Variants in THNSL1 observed in about 807,000 individuals in gnomAD.
THNSL1 encodes threonine synthase-like 1.
THNSL1 carries 48 observed loss-of-function variants against 50.4 expected under a neutral mutation model. The ratio of observed to expected loss-of-function variants is 0.95; its 90% CI spans 0.76 to 1.21. The LOEUF is 1.21. Among genes scored for constraint, THNSL1 ranks in the 50% most tolerant of loss-of-function variants. The pLI is 0.00. For missense variants in THNSL1, 896 were observed against 871.7 expected (o/e 1.03, Z -0.35); for synonymous variants, 309 against 306.1 (o/e 1.01, Z -0.10).
chr10:24,995,668 A>T, the THNSL1 span: 9 of 1,613,240 alleles, frequency 5.6e-6, no homozygotes, highest in Non-Finnish European at 7.6e-6. Context: ...GTACTTTGGA[A>T]CTAGTCCTGA....
chr10:24,959,208 A>G, the THNSL1 span, among the ~76,000 whole-genome samples: 2 of 152,226 alleles, frequency 1.3e-5, no homozygotes, highest in African/African-American at 4.8e-5. Flanking sequence ...GTCAGCAGCA[A>G]CTTTGCCTGG....
chr10:24,989,802 C>G, the THNSL1 span, among the ~76,000 whole-genome samples: 1 of 152,080 alleles, frequency 6.6e-6, no homozygotes, highest in Non-Finnish European at 1.5e-5. Flanking sequence ...ATTTCTGCCT[C>G]TATAAGAGAC....
At chr10:24,967,891 T>A in the THNSL1 span, among the ~76,000 whole-genome samples, 2 of 151,692 alleles carry the variant, frequency 1.3e-5, no homozygotes, top group African/African-American at 4.8e-5. Context: ...TTTGTGTGTG[T>A]ATGTGTGTAT....
rs1190736431 is a variant in THNSL1 at position 25,024,485 on chromosome 10, T to G, written c.1262T>G (p.Ile421Ser). 1 of 1,614,202 alleles carries G rather than the reference T, an allele frequency of 6.2e-7. No homozygotes were observed. The highest frequency in any genetic ancestry group is 8.5e-7 in the Non-Finnish European group (1 of 1,180,028). ...AGTGATTTTCAAAAAGCACAAATAA[T>G]TGGCAGTCAGAGAGAAAATGGATGG... ...GVSDFQKAQI[I>S]GSQRENGWAV... Residue 421 changes from isoleucine to serine, a missense_variant, in exon 3 of 3, where the codon ATT (isoleucine) becomes AGT (serine). Physicochemically the swap from Ile to Ser is moderately radical, Grantham distance 142. Transcript: ENST00000376356.
chr10:24,955,959 A>G, the THNSL1 span, among the ~76,000 whole-genome samples: 1 of 152,070 alleles, frequency 6.6e-6, no homozygotes, highest in Non-Finnish European at 1.5e-5. Context: ...CAAACAAATA[A>G]TAATAATAAT....
At chr10:24,988,680 A>G in the THNSL1 span, among the ~76,000 whole-genome samples, 13 of 3,464 alleles carry the variant, frequency 3.8e-3, no homozygotes, top group African/African-American at 0.012. Context: ...ATATATATAT[A>G]TATATATATA....
chr10:24,994,195 T>C, the THNSL1 span, among the ~76,000 whole-genome samples: 1 of 152,150 alleles, frequency 6.6e-6, no homozygotes, highest in Admixed American at 6.6e-5. Context: ...TACATCACTA[T>C]TGCAATTTCT....
At chr10:25,015,733 C>A, upstream of THNSL1, 1 of 848,894 alleles carries the variant, frequency 1.2e-6, no homozygotes, top group Non-Finnish European at 1.6e-6. Flanking sequence ...AGTTATCCTC[C>A]AAGGCTACTT....
the THNSL1 span, among the ~76,000 whole-genome samples, chr10:25,010,063 G>A: frequency 6.6e-6 from 1 of 152,176 alleles, no homozygotes; most frequent in Non-Finnish European, 1.5e-5. Flanking sequence ...GCAGAGGTTG[G>A]AACAGTTTGG....
the THNSL1 span, among the ~76,000 whole-genome samples, chr10:24,972,334 A>C: frequency 6.6e-6 from 1 of 151,392 alleles, no homozygotes; most frequent in South Asian, 2.1e-4. Flanking sequence ...ATGGTGAAAC[A>C]CCATCTCTAC....
the THNSL1 span, chr10:24,985,047 G>T: frequency 2.7e-6 from 2 of 730,818 alleles, no homozygotes; most frequent in Non-Finnish European, 4.5e-6. Context: ...TATTTATCAA[G>T]TACTTGGCCA....
the THNSL1 span, among the ~76,000 whole-genome samples, chr10:24,978,290 T>G: frequency 6.6e-6 from 1 of 152,172 alleles, no homozygotes; most frequent in African/African-American, 2.4e-5. Context: ...GTTTTTTTTT[T>G]GTTGGTGGCC....
the THNSL1 span, chr10:24,995,758 T>C: frequency 3.1e-6 from 5 of 1,614,058 alleles, no homozygotes; most frequent in Admixed American, 1.7e-5. Flanking sequence ...CATGATGATA[T>C]CAGCTGCATT....
At chr10:25,009,875 C>G in the THNSL1 span, among the ~76,000 whole-genome samples, 1 of 152,158 alleles carries the variant, frequency 6.6e-6, no homozygotes, top group East Asian at 1.9e-4. Context: ...ATTGTGAGGC[C>G]TCCCCAGCCA....
At chr10:24,977,735 A>G in the THNSL1 span, among the ~76,000 whole-genome samples, 1 of 152,212 alleles carries the variant, frequency 6.6e-6, no homozygotes, top group Non-Finnish European at 1.5e-5. Flanking sequence ...TGTGTATGTA[A>G]TTATTATGTA....
the THNSL1 span, among the ~76,000 whole-genome samples, chr10:24,996,655 C>A: frequency 6.6e-6 from 1 of 152,142 alleles, no homozygotes; most frequent in South Asian, 2.1e-4. Context: ...AATGCCTTTT[C>A]CAATTTTAAC....
chr10:24,999,501 T>C, the THNSL1 span: 10 of 1,612,780 alleles, frequency 6.2e-6, no homozygotes, highest in African/African-American at 1.3e-4. Flanking sequence ...CAGTTTTAGC[T>C]TTTTGCATGT....
chr10:24,959,588 A>G, the THNSL1 span, among the ~76,000 whole-genome samples: 1 of 152,210 alleles, frequency 6.6e-6, no homozygotes, highest in Non-Finnish European at 1.5e-5. Context: ...TCTATGTTGT[A>G]GGTCTTCTAG....
chr10:25,005,624 T>G, the THNSL1 span, among the ~76,000 whole-genome samples: 1 of 152,206 alleles, frequency 6.6e-6, no homozygotes. Context: ...TTGAGGAGAA[T>G]TTTTACACGT....
Sources: allele counts gnomAD v4.1 joint callset (sites outside exome capture counted in the v4.1 genomes callset), GRCh38; gene constraint gnomAD v4.1.1; transcripts MANE v1.5; gene names NCBI Gene and HGNC (gene_info 2026-07-23, HGNC 2026-07-21).